The following ANK3 variants were observed in gnomAD, a reference collection of about 807,000 sequenced individuals.
The protein encoded by ANK3 is ankyrin-3.
ANK3 carries 57 observed loss-of-function variants against 370.9 expected under a neutral mutation model. The observed-to-expected ratio is 0.15, with a 90% CI of 0.12 to 0.19. ANK3 has a LOEUF of 0.19. Ranked by LOEUF, ANK3 falls within the 10% of genes least tolerant of loss-of-function variation. The pLI, the probability that ANK3 is intolerant of heterozygous loss-of-function variation, is 1.00. For synonymous variants in ANK3, 1,929 were observed against 1,946.3 expected (o/e 0.99, Z 0.23); for missense variants, 4,439 against 5,302.1 (o/e 0.84, Z 5.06).
intron 2 of ANK3, among the ~76,000 whole-genome samples, chr10:60,591,128 A>G (rs1022356289): frequency 6.6e-6 from 1 of 152,118 alleles, no homozygotes. Flanking sequence ...AGCAGCGATC[A>G]TGACCAGCTC....
Position 60,173,104 on chromosome 10 carries a change from A to G in ANK3, c.2267T>C (p.Val756Ala). Residue 756 changes from valine (V) to alanine (A), a missense_variant, in exon 19 of 44, where the codon GTT (valine) becomes GCT (alanine). Val to Ala is a moderately conservative substitution (Grantham distance 64, BLOSUM62 0). Around this residue, in one of 13 missense-constraint regions of ANK3, gnomAD observed 702 missense variants for 941.5 expected, o/e 0.75. Coordinates refer to ENST00000280772, the MANE Select transcript of ANK3 (RefSeq NM_020987.5). The stretch of plus-strand genomic sequence containing the variant: ...GGAGCTTACCTTTGTTTTGGCATTA[A>G]CTTTTGCAGAATGCTGGAGCAGGAA... Reference protein sequence around the residue: ...VNFLLQHSAKVNAKTKNGYTP... With the variant: ...VNFLLQHSAKANAKTKNGYTP... The G allele has an allele frequency of 6.2e-7, 1 of 1,614,032 alleles. No homozygotes were observed. The highest frequency in any genetic ancestry group is 8.5e-7 in the Non-Finnish European group (1 of 1,179,964).
exon 1 of ANK3, chr10:60,733,449 C>T (rs1368275381): frequency 2.6e-6 from 2 of 773,298 alleles, no homozygotes; most frequent in South Asian, 6.7e-5. Flanking sequence ...CAAGCGCGGC[C>T]CCGCGACGCC....
chr10:60,234,712 T>A lies in ANK3; in HGVS notation c.873A>T (p.Gly291=). The A allele has an allele frequency of 6.2e-7, 1 of 1,613,152 alleles. No individual in the cohort carries two copies. The highest frequency in any genetic ancestry group is 8.5e-7 in the Non-Finnish European group (1 of 1,179,320). The part of the protein sequence containing the change: ...ANMVKLLLDR[G]AKIDAKTRDG... ...CCCTGGTTTTGGCATCGATTTTAGC[T>A]CCTCGATCGAGCAATAGTTTTACCA... The change falls in exon 8 of 44, where the codon GGA becomes GGT. Residue 291 remains glycine, a synonymous_variant. Transcript: ENST00000280772.
intron 1 of ANK3, among the ~76,000 whole-genome samples, chr10:60,372,655 T>C (rs576920952): frequency 6.6e-6 from 1 of 152,144 alleles, no homozygotes; most frequent in Non-Finnish European, 1.5e-5. Flanking sequence ...AGCATAGAGC[T>C]GTTGTCAAGG....
intron 8 of ANK3, among the ~76,000 whole-genome samples, chr10:60,223,258 T>C (rs2097091297): frequency 6.6e-6 from 1 of 152,210 alleles, no homozygotes; most frequent in South Asian, 2.1e-4. Context: ...GCCCCTACCC[T>C]TGACATTTCC....
chr10:60,085,676 T>G (rs746062502), intron 30 of ANK3, among the ~76,000 whole-genome samples: 1 of 146,152 alleles, frequency 6.8e-6, no homozygotes, highest in Non-Finnish European at 1.5e-5. Flanking sequence ...AGTGCAATGG[T>G]GCGATCTCGG....
At chr10:60,545,597 G>C (rs2076945987) in intron 2 of ANK3, among the ~76,000 whole-genome samples, 1 of 151,960 alleles carries the variant, frequency 6.6e-6, no homozygotes, top group Non-Finnish European at 1.5e-5. Context: ...TAATTCTCAT[G>C]AATGTGTAAG....
intron 1 of ANK3, among the ~76,000 whole-genome samples, chr10:60,289,264 CTTTT>C (rs34525147): frequency 2.3e-4 from 31 of 134,540 alleles, no homozygotes; most frequent in South Asian, 1.7e-3. Flanking sequence ...TATGCCCTGC[CTTTT>C]TTTTTTTTTT....
intron 25 of ANK3, among the ~76,000 whole-genome samples, chr10:60,133,779 G>A (rs759950244): frequency 2.6e-5 from 4 of 152,050 alleles, no homozygotes; most frequent in Admixed American, 1.3e-4. Flanking sequence ...AAATTAGCTG[G>A]GTGTGGTGGT....
chr10:60,535,623 T>C (rs1291849537), intron 2 of ANK3, among the ~76,000 whole-genome samples: 3 of 152,108 alleles, frequency 2.0e-5, no homozygotes, highest in Non-Finnish European at 4.4e-5. Context: ...TCAGTCAAGG[T>C]TGAATGGAGT....
chr10:60,630,820 G>T (rs998796518), intron 1 of ANK3, among the ~76,000 whole-genome samples: 3 of 152,154 alleles, frequency 2.0e-5, no homozygotes, highest in Non-Finnish European at 4.4e-5. Context: ...GAAAGCTAAA[G>T]CTGGACCCTG....
Position 60,125,493 on chromosome 10 carries a change from T to C in ANK3, c.2841+8778A>G, listed in dbSNP as rs77226351. On this transcript the variant is annotated intron_variant, in intron 25 of 43. Coordinates refer to ENST00000280772, the MANE Select transcript of ANK3 (RefSeq NM_020987.5). ...ACCTGAATAATGCTGGCAAAGCACA[T>C]TGAAGAGAGAAAGCAGCATATTAAA... is the stretch of plus-strand genomic sequence containing the variant. Among the ~76,000 whole-genome samples the C allele has an allele frequency of 4.0e-3, 616 of 152,304 alleles. 4 individuals carry two copies. Among genetic ancestry groups the C allele is most frequent in the Non-Finnish European group, 5.5e-3 (377 of 68,024 alleles).
intron 2 of ANK3, among the ~76,000 whole-genome samples, chr10:60,515,954 A>G (rs555843882): frequency 6.6e-6 from 1 of 152,252 alleles, no homozygotes; most frequent in African/African-American, 2.4e-5. Context: ...AGAGCTTGCA[A>G]TCTAGTAAGG....
intron 37 of ANK3, 123 bp from the exon 38 acceptor site, chr10:60,068,132 C>T: frequency 1.3e-6 from 1 of 773,956 alleles, no homozygotes; most frequent in Non-Finnish European, 2.1e-6. Flanking sequence ...TGAAATGTGT[C>T]CTAGTCACCT....
intron 23 of ANK3, among the ~76,000 whole-genome samples, chr10:60,151,272 G>T (rs1402226607): frequency 1.3e-5 from 2 of 152,174 alleles, no homozygotes; most frequent in East Asian, 3.9e-4. Flanking sequence ...GATCCCCAGT[G>T]TTGGAGGTGG....
rs145482894 is a variant in ANK3 at position 60,052,329 on chromosome 10, A to T, written c.13065+3329T>A. ...GGCAATAGGGCAAGACTCCGTCTCA[A>T]CAACAACAACAACAACAAGTAAAGA... On this transcript the variant is annotated intron_variant, in intron 42 of 43. Coordinates refer to ENST00000280772, the MANE Select transcript of ANK3 (RefSeq NM_020987.5). Among the ~76,000 whole-genome samples the T allele has an allele frequency of 3.0e-3, 450 of 151,920 alleles. 4 individuals carry two copies. The highest frequency in any genetic ancestry group is 0.017 in the Middle Eastern group (5 of 294).
chr10:60,195,866 A>C (rs1245735678), intron 16 of ANK3, among the ~76,000 whole-genome samples: 1 of 152,254 alleles, frequency 6.6e-6, no homozygotes, highest in East Asian at 1.9e-4. Flanking sequence ...GGCTGTGCTT[A>C]TGTTTTTCAT....
chr10:60,523,224 TTTTC>T (rs1244393084), intron 2 of ANK3, among the ~76,000 whole-genome samples: 6 of 151,924 alleles, frequency 3.9e-5, no homozygotes, highest in Non-Finnish European at 5.9e-5. Context: ...AGATACACAT[TTTTC>T]TTTATTTTAT....
intron 5 of ANK3, 84 bp downstream of exon 5, chr10:60,270,047 T>C: frequency 1.3e-6 from 1 of 771,442 alleles, no homozygotes; most frequent in Non-Finnish European, 2.0e-6. Context: ...ATTGAAATAC[T>C]AGTAGGACAA....
Sources: gnomAD v4.1 joint callset for allele counts (sites outside exome capture counted in the v4.1 genomes callset) on GRCh38, gnomAD v4.1.1 for gene constraint, gnomAD v4.1.1 regional missense constraint, MANE v1.5 for transcripts, NCBI Gene and HGNC (gene_info 2026-07-23, HGNC 2026-07-21) for gene names.